The following LRRK2 variants were observed in gnomAD, a reference collection of about 807,000 sequenced individuals.
LRRK2 encodes leucine rich repeat kinase 2.
In LRRK2, 203 loss-of-function variants were observed where a neutral mutation model predicts 302.6. The observed-to-expected ratio is 0.67, with a 90% CI of 0.60 to 0.75. The LOEUF is 0.75. Ranked by LOEUF, LRRK2 falls within the 30% of genes least tolerant of loss-of-function variation. The pLI is 0.00. For missense variants in LRRK2, 2,830 were observed against 2,951.0 expected (o/e 0.96, Z 0.95); for synonymous variants, 1,066 against 1,031.9 (o/e 1.03, Z -0.63).
At chr12:40,361,047 C>G (rs1946688886) in intron 47 of LRRK2, among the ~76,000 whole-genome samples, 1 of 152,032 alleles carries the variant, frequency 6.6e-6, no homozygotes, top group African/African-American at 2.4e-5. Context: ...ATTTAGAAAC[C>G]ACTAGGTAGC....
At chr12:40,300,695 A>G (rs1944590691) in intron 25 of LRRK2, 2 of 432,134 alleles carry the variant, frequency 4.6e-6, no homozygotes, top group South Asian at 1.7e-5. Context: ...TAGTAAGCAA[A>G]GCAAACTCGG....
chr12:40,271,294 A>G (rs1470171712), intron 14 of LRRK2, among the ~76,000 whole-genome samples: 13 of 152,226 alleles, frequency 8.5e-5, no homozygotes, highest in Admixed American at 8.5e-4. Flanking sequence ...AAAGAAAAAG[A>G]ATAAAGGGAG....
At chr12:40,247,039 T>G (rs557049588) in intron 7 of LRRK2, among the ~76,000 whole-genome samples, 6 of 152,302 alleles carry the variant, frequency 3.9e-5, no homozygotes, top group Admixed American at 1.3e-4. Context: ...AGGAATATTT[T>G]GTACAAAATT....
chr12:40,281,482 G>T (rs1341852613), intron 18 of LRRK2, among the ~76,000 whole-genome samples: 3 of 152,150 alleles, frequency 2.0e-5, no homozygotes, highest in Admixed American at 6.5e-5. Flanking sequence ...GAGAAAGATT[G>T]CAGGGATAAG....
chr12:40,343,103 A>T (rs554682181), intron 41 of LRRK2, among the ~76,000 whole-genome samples: 60 of 152,382 alleles, frequency 3.9e-4, no homozygotes, highest in African/African-American at 1.4e-3. Context: ...CTGAGAGCAG[A>T]GCTCCTGGTC....
intron 50 of LRRK2, 24 bp from the exon 51 acceptor site, chr12:40,367,620 G>A (rs202072028): frequency 1.3e-5 from 21 of 1,593,606 alleles, no homozygotes; most frequent in Non-Finnish European, 1.5e-5. Flanking sequence ...TTTGAAACAT[G>A]ATTTCATTTT....
intron 19 of LRRK2, among the ~76,000 whole-genome samples, chr12:40,286,934 T>C (rs1943946762): frequency 6.6e-6 from 1 of 152,082 alleles, no homozygotes; most frequent in Non-Finnish European, 1.5e-5. Flanking sequence ...ACATTTTATA[T>C]GCATCATTTC....
chr12:40,300,138 G>C (rs562683556), intron 25 of LRRK2, among the ~76,000 whole-genome samples: 3 of 152,076 alleles, frequency 2.0e-5, no homozygotes, highest in Non-Finnish European at 4.4e-5. Flanking sequence ...ACTCTTTGCT[G>C]TTGTTAGAAA....
At chr12:40,245,723 A>G (rs1941950461) in intron 7 of LRRK2, among the ~76,000 whole-genome samples, 1 of 151,996 alleles carries the variant, frequency 6.6e-6, no homozygotes, top group African/African-American at 2.4e-5. Context: ...TTTTATTATT[A>G]TTGTAAATGG....
rs1235845672 is a variant in LRRK2 at position 40,284,092 on chromosome 12, C to T, written c.2459C>T (p.Pro820Leu). ...IGKVEPSWLG[P>L]LFPDKTSNLR... ...AAAGTTGAACCTTCTTGGCTTGGTC[C>T]TTTATTTCCAGATAAGACTTCTAAT... is the stretch of plus-strand genomic sequence containing the variant. The change falls in exon 19 of 51, where the codon CCT (proline) becomes CTT (leucine). Residue 820 changes from proline (P) to leucine (L), a missense_variant. By Grantham distance (98) the Pro-to-Leu change is moderately conservative. Around this residue, in one of 3 missense-constraint regions of LRRK2, gnomAD observed 2,121 missense variants for 2,148.0 expected, o/e 0.99. Transcript: ENST00000298910. The T allele has an allele frequency of 6.2e-7, 1 of 1,612,426 alleles. No individual in the cohort carries two copies. The highest frequency in any genetic ancestry group is 1.7e-5 in the Admixed American group (1 of 59,958).
chr12:40,243,513 G>T (rs754387084), intron 6 of LRRK2, 37 bp from the exon 7 acceptor site: 8 of 1,605,984 alleles, frequency 5.0e-6, no homozygotes, highest in Non-Finnish European at 6.8e-6. Context: ...GGAGAACATG[G>T]TTACCTTATT....
chr12:40,251,490 A>T lies in LRRK2; in HGVS notation c.1127A>T (p.Asn376Ile). The change falls in exon 10 of 51, where the codon AAT becomes ATT. Residue 376 changes from asparagine (N) to isoleucine (I), a missense_variant. Around this residue, in one of 3 missense-constraint regions of LRRK2, gnomAD observed 2,121 missense variants for 2,148.0 expected, o/e 0.99. Coordinates refer to ENST00000298910, the MANE Select transcript of LRRK2 (RefSeq NM_198578.4). ...VQEAACWALNNLLMYQNSLHE... is the reference protein window; with the variant it reads ...VQEAACWALNILLMYQNSLHE... ...GAGGCCGCATGCTGGGCACTAAATA[A>T]TCTCCTTATGTACCAAAACAGTTTA... is the stretch of plus-strand genomic sequence containing the variant. 1 of 1,612,410 alleles carries T rather than the reference A, an allele frequency of 6.2e-7. No homozygotes were observed. Among genetic ancestry groups the T allele is most frequent in the Non-Finnish European group, 8.5e-7 (1 of 1,179,076 alleles).
intron 14 of LRRK2, among the ~76,000 whole-genome samples, chr12:40,271,987 A>G (rs1337871755): frequency 3.3e-5 from 5 of 152,192 alleles, no homozygotes; most frequent in Non-Finnish European, 5.9e-5. Flanking sequence ...CTTTATAAAT[A>G]TCAATTTGAT....
intron 47 of LRRK2, among the ~76,000 whole-genome samples, chr12:40,362,307 A>G (rs1188784228): frequency 6.6e-6 from 1 of 152,060 alleles, no homozygotes; most frequent in African/African-American, 2.4e-5. Flanking sequence ...TCTAGGATAT[A>G]CTAATGATTG....
At chr12:40,268,515 A>G (rs1177606102) in intron 14 of LRRK2, among the ~76,000 whole-genome samples, 1 of 152,176 alleles carries the variant, frequency 6.6e-6, no homozygotes, top group Non-Finnish European at 1.5e-5. Flanking sequence ...GGTAGAGAGG[A>G]GTAGTTGAAT....
At chr12:40,332,489 A>G (rs1367049836) in intron 39 of LRRK2, among the ~76,000 whole-genome samples, 1 of 152,166 alleles carries the variant, frequency 6.6e-6, no homozygotes, top group Non-Finnish European at 1.5e-5. Context: ...GTATTTTTGG[A>G]ATCTATATAT....
chr12:40,294,878 C>T lies in LRRK2; in HGVS notation c.2842C>T (p.Arg948Ter), dbSNP rs766809708. Residue 948 changes from arginine (R) to a stop codon, truncating the protein, a stop_gained, in exon 22 of 51, where the codon CGA becomes TGA. Coordinates refer to ENST00000298910, the MANE Select transcript of LRRK2 (RefSeq NM_198578.4). LOFTEE classifies it high-confidence loss of function. Reference protein sequence around the residue: ...PIFDHEDLLKRKRKILSSDDS... With the variant: ...PIFDHEDLLK ...TTTTGATCATGAAGATTTACTGAAG[C>T]GAAAAAGAAAAATATTATCTTCAGA... is the stretch of plus-strand genomic sequence containing the variant. 6.5e-6 allele frequency: 10 copies of T among 1,545,980 alleles called. No homozygotes were observed. The highest frequency in any genetic ancestry group is 1.7e-5 in the Admixed American group (1 of 59,464).
intron 49 of LRRK2, 170 bp from the exon 50 acceptor site, chr12:40,366,836 A>T (rs868009663): frequency 2.0e-4 from 111 of 547,176 alleles, no homozygotes; most frequent in South Asian, 7.8e-4. Context: ...GTTATTTTTT[A>T]AAAAAATGCT....
chr12:40,364,782 T>C, intron 48 of LRRK2, 60 bp from the exon 49 acceptor site: 1 of 1,231,622 alleles, frequency 8.1e-7, no homozygotes, highest in East Asian at 2.5e-5. Flanking sequence ...TTATCATATG[T>C]AAATAGCATT....
Sources: gnomAD v4.1 joint callset for allele counts (sites outside exome capture counted in the v4.1 genomes callset) on GRCh38, gnomAD v4.1.1 for gene constraint, gnomAD v4.1.1 regional missense constraint, MANE v1.5 for transcripts, NCBI Gene and HGNC (gene_info 2026-07-23, HGNC 2026-07-21) for gene names.